Variants in FSIP1 observed in about 807,000 individuals in gnomAD.
FSIP1 encodes the protein fibrous sheath interacting protein 1.
FSIP1 carries 65 observed loss-of-function variants against 60.9 expected under a neutral mutation model. That is an observed-to-expected ratio of 1.07 (90% confidence interval 0.87 to 1.31). The LOEUF (loss-of-function observed/expected upper bound fraction) is 1.31. FSIP1 is among the 40% of genes most tolerant of loss of function. The probability of loss-of-function intolerance (pLI) is 0.00; values close to 1 mark genes in which losing one functional copy is unlikely to be tolerated. For synonymous variants in FSIP1, 209 were observed against 221.2 expected (o/e 0.94, Z 0.49); for missense variants, 675 against 665.5 (o/e 1.01, Z -0.16).
intron 10 of FSIP1, among the ~76,000 whole-genome samples, chr15:39,674,270 G>A (rs1377566683): frequency 6.6e-6 from 1 of 152,122 alleles, no homozygotes; most frequent in Admixed American, 6.5e-5. Flanking sequence ...TAGCCAGGAT[G>A]GTCTTGATCT....
chr15:39,619,190 T>C (rs1337712280), intron 10 of FSIP1, among the ~76,000 whole-genome samples: 1 of 152,202 alleles, frequency 6.6e-6, no homozygotes, highest in Non-Finnish European at 1.5e-5. Context: ...TGTAAAGTAC[T>C]GAAATAAAAA....
At chr15:39,749,172 C>T (rs1180665693) in intron 5 of FSIP1, among the ~76,000 whole-genome samples, 3 of 150,270 alleles carry the variant, frequency 2.0e-5, no homozygotes, top group African/African-American at 4.9e-5. Context: ...AAAACTTCCC[C>T]GCAAAGAAAA....
chr15:39,699,842 C>A (rs575971602), intron 10 of FSIP1, among the ~76,000 whole-genome samples: 2 of 152,242 alleles, frequency 1.3e-5, no homozygotes, highest in South Asian at 4.1e-4. Context: ...CAATCACTGC[C>A]ACTAGAAGAT....
chr15:39,618,342 C>A (rs572985579), intron 10 of FSIP1, 97 bp from the exon 11 acceptor site: 1 of 874,984 alleles, frequency 1.1e-6, no homozygotes, highest in African/African-American at 1.7e-5. Context: ...ATGCAAGTAA[C>A]CCCTTACACA....
At chr15:39,761,659 G>A (rs2140698126) in intron 5 of FSIP1, among the ~76,000 whole-genome samples, 1 of 152,284 alleles carries the variant, frequency 6.6e-6, no homozygotes, top group South Asian at 2.1e-4. Flanking sequence ...ATTGCACGGT[G>A]TGGTGAATAT....
rs77162552 is a variant in FSIP1, at chr15:39,743,251, G to A, written c.560-1351C>T. ...ATCTGAGACCAGTGTCATGCAGGTG[G>A]GTAAGAAGAATTTGAAATTACTCTT... is the stretch of plus-strand genomic sequence containing the variant. On this transcript the variant is annotated intron_variant, in intron 5 of 11. Transcript: ENST00000350221. Among the ~76,000 whole-genome samples, 1,349 of 152,162 alleles carry A rather than the reference G, an allele frequency of 8.9e-3. 46 individuals carry two copies. The East Asian group carries it at 0.13, about 14-fold the overall frequency.
At position 39,765,668 on chromosome 15, in the gene FSIP1, G is replaced by T; in HGVS notation, c.389C>A (p.Ala130Glu). The T allele has an allele frequency of 6.3e-7, 1 of 1,597,344 alleles. No homozygotes were observed. The highest frequency in any genetic ancestry group is 8.6e-7 in the Non-Finnish European group (1 of 1,168,564). Residue 130 changes from alanine to glutamate, a missense_variant, in exon 4 of 12, where the codon GCA (alanine) becomes GAA (glutamate). By Grantham distance (107) the Ala-to-Glu change is moderately radical. Coordinates refer to ENST00000350221, the MANE Select transcript of FSIP1 (RefSeq NM_152597.5). ...TTCTTTTTCTCTGCGTTGTTTCTTT[G>T]CCAATATTTTATCAAGTTTTTTCAT... ...QKMKKLDKIL[A>E]KKQRREKEIK...
chr15:39,667,671 G>C (rs954426876), intron 10 of FSIP1, among the ~76,000 whole-genome samples: 1 of 152,142 alleles, frequency 6.6e-6, no homozygotes, highest in African/African-American at 2.4e-5. Context: ...CTTAGCGGGA[G>C]AGTGAGAGAG....
At chr15:39,672,899 T>C (rs1311811328) in intron 10 of FSIP1, among the ~76,000 whole-genome samples, 1 of 152,148 alleles carries the variant, frequency 6.6e-6, no homozygotes, top group East Asian at 1.9e-4. Flanking sequence ...GGATGGAAAC[T>C]CATGGCATGC....
chr15:39,772,666 C>A (rs1281422770), intron 2 of FSIP1, among the ~76,000 whole-genome samples: 7 of 151,910 alleles, frequency 4.6e-5, no homozygotes, highest in Non-Finnish European at 1.0e-4. Flanking sequence ...TATCGGCTCA[C>A]TGCAGCCTCC....
At chr15:39,765,174 C>G (rs2140706413) in intron 4 of FSIP1, among the ~76,000 whole-genome samples, 1 of 151,898 alleles carries the variant, frequency 6.6e-6, no homozygotes, top group South Asian at 2.1e-4. Flanking sequence ...CAAAATAAAG[C>G]AATCAAGGCA....
intron 10 of FSIP1, among the ~76,000 whole-genome samples, chr15:39,682,126 T>C (rs12911910): frequency 0.049 from 7,521 of 152,256 alleles, 197 homozygotes; most frequent in Middle Eastern, 0.071. Flanking sequence ...CTGGACAAGT[T>C]TCCAACCACC....
chr15:39,770,980 A>G (rs987369935), intron 2 of FSIP1, among the ~76,000 whole-genome samples: 1 of 152,206 alleles, frequency 6.6e-6, no homozygotes, highest in African/African-American at 2.4e-5. Flanking sequence ...GTGGCTACAG[A>G]ATGGTTGAAA....
chr15:39,599,890 T>C (rs1470189953), downstream of FSIP1: 2 of 152,230 alleles, frequency 1.3e-5, no homozygotes, highest in Non-Finnish European at 2.9e-5. Context: ...AAATAGTGTC[T>C]GGAAAAAGAA....
At chr15:39,605,565 A>T (rs375710477) in intron 11 of FSIP1, among the ~76,000 whole-genome samples, 17 of 152,206 alleles carry the variant, frequency 1.1e-4, no homozygotes, top group African/African-American at 3.9e-4. Context: ...ACAACATGGA[A>T]TGGAAATTCA....
chr15:39,662,758 C>T (rs898217744), intron 10 of FSIP1, among the ~76,000 whole-genome samples: 1 of 151,060 alleles, frequency 6.6e-6, no homozygotes. Flanking sequence ...TTTGTATTAA[C>T]TTTAAAAGAA....
At chr15:39,762,605 TG>T (rs1897539923) in intron 5 of FSIP1, among the ~76,000 whole-genome samples, 1 of 152,234 alleles carries the variant, frequency 6.6e-6, no homozygotes, top group South Asian at 2.1e-4. Context: ...ATGGCTTGCT[TG>T]GGTTTCTCAC....
intron 10 of FSIP1, among the ~76,000 whole-genome samples, chr15:39,671,736 T>G (rs1403201338): frequency 6.6e-6 from 1 of 152,212 alleles, no homozygotes; most frequent in Non-Finnish European, 1.5e-5. Context: ...TAAACCTTCC[T>G]AGTTTTCTGA....
chr15:39,691,639 T>C (rs1894604948), intron 10 of FSIP1, among the ~76,000 whole-genome samples: 1 of 152,234 alleles, frequency 6.6e-6, no homozygotes, highest in African/African-American at 2.4e-5. Flanking sequence ...GAGATCCTGA[T>C]AAGATAAAGA....
Sources: gnomAD v4.1 joint callset for allele counts (sites outside exome capture counted in the v4.1 genomes callset) on GRCh38, gnomAD v4.1.1 for gene constraint, MANE v1.5 for transcripts, NCBI Gene and HGNC (gene_info 2026-07-23, HGNC 2026-07-21) for gene names.